ABTB2: variants seen among roughly 807,000 people sequenced by gnomAD.
The protein encoded by ABTB2 is ankyrin repeat and BTB/POZ domain-containing protein 2.
Under a neutral mutation model 104.1 loss-of-function variants are expected in ABTB2, and 56 were observed. The observed-to-expected ratio is 0.54, with a 90% CI of 0.43 to 0.67. The LOEUF is 0.67. Among genes scored for constraint, ABTB2 ranks in the 30% least tolerant of loss-of-function variants. The probability of loss-of-function intolerance (pLI) is 0.00; values close to 1 mark genes in which losing one functional copy is unlikely to be tolerated. For missense variants in ABTB2, 1,279 were observed against 1,407.7 expected, an observed-to-expected ratio of 0.91 and a Z score of 1.46; for synonymous variants, 606 against 608.2, an observed-to-expected ratio of 1.00 and a Z score of 0.05.
At chr11:34,186,205 A>C (rs1483069623) in intron 3 of ABTB2, among the ~76,000 whole-genome samples, 1 of 152,206 alleles carries the variant, frequency 6.6e-6, no homozygotes, top group African/African-American at 2.4e-5. Context: ...CAGGGGGTGC[A>C]CCCCAGGCAC....
intron 1 of ABTB2, among the ~76,000 whole-genome samples, chr11:34,344,910 C>T (rs1438405736): frequency 6.6e-6 from 1 of 152,112 alleles, no homozygotes; most frequent in Non-Finnish European, 1.5e-5. Flanking sequence ...AGTCAATGGC[C>T]ACTCCCTCCT....
intron 1 of ABTB2, among the ~76,000 whole-genome samples, chr11:34,207,231 A>G (rs1176109201): frequency 1.3e-5 from 2 of 152,248 alleles, no homozygotes; most frequent in Non-Finnish European, 2.9e-5. Flanking sequence ...CAGAAACAAC[A>G]CTGGAGACAT....
At chr11:34,166,760 C>T (rs1590204421) in intron 7 of ABTB2, among the ~76,000 whole-genome samples, 1 of 152,192 alleles carries the variant, frequency 6.6e-6, no homozygotes, top group East Asian at 1.9e-4. Context: ...GCACAGCTAC[C>T]TGAGCTGAGG....
intron 1 of ABTB2, among the ~76,000 whole-genome samples, chr11:34,285,073 C>T (rs1045041026): frequency 9.2e-5 from 14 of 152,196 alleles, no homozygotes; most frequent in Non-Finnish European, 1.5e-4. Context: ...TTCCTGGGGT[C>T]GCTGTGGCCC....
intron 1 of ABTB2, among the ~76,000 whole-genome samples, chr11:34,330,632 A>C (rs1855117487): frequency 6.6e-6 from 1 of 152,262 alleles, no homozygotes; most frequent in Non-Finnish European, 1.5e-5. Flanking sequence ...AAAGGCAATA[A>C]ACTTATGAAA....
intron 3 of ABTB2, among the ~76,000 whole-genome samples, 180 bp downstream of exon 3, chr11:34,197,145 C>T (rs1056715470): frequency 6.6e-6 from 1 of 152,188 alleles, no homozygotes; most frequent in Non-Finnish European, 1.5e-5. Context: ...AAAAATCCCA[C>T]TGCACACCAG....
chr11:34,160,785 G>T (rs1852706756), intron 11 of ABTB2, 118 bp downstream of exon 11: 1 of 1,122,600 alleles, frequency 8.9e-7, no homozygotes, highest in Non-Finnish European at 1.2e-6. Context: ...GTGAGTGTGT[G>T]TGCGTTGGGT....
At chr11:34,196,989 C>A (rs974663137) in intron 3 of ABTB2, among the ~76,000 whole-genome samples, 1 of 152,220 alleles carries the variant, frequency 6.6e-6, no homozygotes, top group South Asian at 2.1e-4. Flanking sequence ...GAGCACTAAC[C>A]TTTCTAGGTG....
At chr11:34,229,349 C>CG (rs548046398) in intron 1 of ABTB2, among the ~76,000 whole-genome samples, 3 of 151,040 alleles carry the variant, frequency 2.0e-5, no homozygotes, top group Non-Finnish European at 3.0e-5. Flanking sequence ...GGTGTGGTGG[C>CG]GGGCGCCTGT....
intron 1 of ABTB2, among the ~76,000 whole-genome samples, chr11:34,210,976 G>C (rs1160415731): frequency 2.6e-5 from 4 of 152,092 alleles, no homozygotes; most frequent in Admixed American, 2.6e-4. Flanking sequence ...TCCATTCTCT[G>C]ATCTGGAATT....
intron 1 of ABTB2, among the ~76,000 whole-genome samples, chr11:34,271,886 A>C (rs553690365): frequency 3.5e-4 from 54 of 152,340 alleles, no homozygotes; most frequent in African/African-American, 1.2e-3. Context: ...CCTGTGAGCC[A>C]AACCAGCAGA....
intron 1 of ABTB2, among the ~76,000 whole-genome samples, chr11:34,273,891 G>A (rs1177366315): frequency 6.6e-6 from 1 of 151,988 alleles, no homozygotes; most frequent in Non-Finnish European, 1.5e-5. Context: ...GGTGGCTCAC[G>A]CCTGTAATCC....
At chr11:34,233,653 CTTT>C (rs11285170) in intron 1 of ABTB2, among the ~76,000 whole-genome samples, 2 of 149,702 alleles carry the variant, frequency 1.3e-5, no homozygotes, top group African/African-American at 2.4e-5. Context: ...CCTGGCCCAC[CTTT>C]TTTTTTTTTA....
chr11:34,169,894 A>T (rs952099553), intron 5 of ABTB2, among the ~76,000 whole-genome samples: 4 of 152,106 alleles, frequency 2.6e-5, no homozygotes, highest in African/African-American at 4.8e-5. Flanking sequence ...CTTGCAGCCC[A>T]TCCCATCTGT....
intron 1 of ABTB2, among the ~76,000 whole-genome samples, chr11:34,205,063 G>T (rs2957504): frequency 6.6e-6 from 1 of 152,024 alleles, no homozygotes; most frequent in Admixed American, 6.6e-5. Flanking sequence ...TCATTCACTC[G>T]CTCGTTGAAT....
chr11:34,353,687 T>C (rs1287620063), intron 1 of ABTB2, among the ~76,000 whole-genome samples: 1 of 152,240 alleles, frequency 6.6e-6, no homozygotes, highest in Non-Finnish European at 1.5e-5. Context: ...TGGACAGGAA[T>C]AGATGGATTA....
At chr11:34,341,863 G>T (rs1366435634) in intron 1 of ABTB2, among the ~76,000 whole-genome samples, 1 of 152,312 alleles carries the variant, frequency 6.6e-6, no homozygotes, top group East Asian at 1.9e-4. Context: ...CTGGAAGAGA[G>T]AAATGGCCAT....
At chr11:34,235,199 A>G (rs1853826331) in intron 1 of ABTB2, among the ~76,000 whole-genome samples, 1 of 152,128 alleles carries the variant, frequency 6.6e-6, no homozygotes, top group South Asian at 2.1e-4. Context: ...CTTGCTCAGT[A>G]TCTGGTGCCC....
intron 1 of ABTB2, among the ~76,000 whole-genome samples, chr11:34,331,742 C>T (rs139844531): frequency 6.6e-6 from 1 of 152,264 alleles, no homozygotes; most frequent in East Asian, 1.9e-4. Flanking sequence ...TTTTGCAGAG[C>T]CAGAAGATCT....
Sources: gnomAD v4.1 joint callset for allele counts (sites outside exome capture counted in the v4.1 genomes callset) on GRCh38, gnomAD v4.1.1 for gene constraint, MANE v1.5 for transcripts, NCBI Gene and HGNC (gene_info 2026-07-23, HGNC 2026-07-21) for gene names.